PCLO: variants seen among roughly 807,000 people sequenced by gnomAD.
PCLO encodes piccolo presynaptic cytomatrix protein, also known as protein piccolo.
PCLO carries 82 observed loss-of-function variants against 427.5 expected under a neutral mutation model. The ratio of observed to expected loss-of-function variants is 0.19; its 90% CI spans 0.16 to 0.23. The LOEUF is 0.23. Ranked by LOEUF, PCLO falls within the 10% of genes least tolerant of loss-of-function variation. The probability of loss-of-function intolerance (pLI) is 1.00; values close to 1 mark genes in which losing one functional copy is unlikely to be tolerated. For missense variants in PCLO, 6,239 were observed against 6,115.9 expected, an observed-to-expected ratio of 1.02 and a Z score of -0.67; for synonymous variants, 2,357 against 2,155.4, an observed-to-expected ratio of 1.09 and a Z score of -2.59.
chr7:83,049,964 A>G (rs932337522), intron 3 of PCLO, among the ~76,000 whole-genome samples: 4 of 151,608 alleles, frequency 2.6e-5, no homozygotes, highest in African/African-American at 7.3e-5. Context: ...ATTCTCTCCC[A>G]TCTTTCCTCA....
At chr7:82,918,667 T>C (rs1327683895) in intron 6 of PCLO, among the ~76,000 whole-genome samples, 1 of 152,082 alleles carries the variant, frequency 6.6e-6, no homozygotes, top group African/African-American at 2.4e-5. Flanking sequence ...CTACATACTA[T>C]TTGTTTTTTC....
intron 3 of PCLO, among the ~76,000 whole-genome samples, chr7:82,988,088 A>G (rs1796294346): frequency 6.6e-6 from 1 of 152,146 alleles, no homozygotes; most frequent in Admixed American, 6.6e-5. Flanking sequence ...TTTATATAAA[A>G]TTTAGGTTAT....
chr7:82,769,373 T>A (rs923794315), intron 22 of PCLO, among the ~76,000 whole-genome samples: 2 of 152,190 alleles, frequency 1.3e-5, no homozygotes, highest in Non-Finnish European at 2.9e-5. Flanking sequence ...AATGCTTTTT[T>A]TTGAAATATT....
chr7:82,952,632 G>T lies in PCLO; in HGVS notation c.8321C>A (p.Ser2774Tyr). 3 of 1,613,946 alleles carry T rather than the reference G, an allele frequency of 1.9e-6. No homozygotes were observed. Among genetic ancestry groups the T allele is most frequent in the Non-Finnish European group, 2.5e-6 (3 of 1,179,834 alleles). Residue 2774 changes from serine to tyrosine, a missense_variant, in exon 5 of 25, where the codon TCT (serine) becomes TAT (tyrosine). Physicochemically the swap from Ser to Tyr is moderately radical, Grantham distance 144. This residue lies in a region of PCLO where 4,677 missense variants were observed against 4,468.4 expected (regional missense o/e 1.05). Coordinates refer to ENST00000333891, the MANE Select transcript of PCLO (RefSeq NM_033026.6). ...TGATGTCACACTAAGATTTATAATA[G>T]AGGGTTGGACAGCACTAATTTGTTT... ...YGKQISAVQP[S>Y]IINLSVTSSI... is the part of the protein sequence containing the mutation.
chr7:82,760,229 A>C (rs529100393), intron 24 of PCLO, among the ~76,000 whole-genome samples: 1 of 152,098 alleles, frequency 6.6e-6, no homozygotes, highest in African/African-American at 2.4e-5. Context: ...GAGTAATTGA[A>C]GAGCTTTAAT....
chr7:82,759,937 T>C (rs1214159005), intron 24 of PCLO, among the ~76,000 whole-genome samples: 1 of 151,934 alleles, frequency 6.6e-6, no homozygotes, highest in East Asian at 1.9e-4. Context: ...AGCCTACTAA[T>C]AGAAGCAAAA....
At chr7:82,998,627 A>T (rs549353227) in intron 3 of PCLO, among the ~76,000 whole-genome samples, 10 of 152,084 alleles carry the variant, frequency 6.6e-5, no homozygotes, top group African/African-American at 2.4e-4. Flanking sequence ...TTTACAGTCC[A>T]GAGGCACATG....
chr7:83,162,196 T>G, intron 1 of PCLO, 149 bp downstream of exon 1: 1 of 855,160 alleles, frequency 1.2e-6, no homozygotes, highest in Non-Finnish European at 1.7e-6. Context: ...TCACAAGGCT[T>G]AGGATCTCTC....
intron 3 of PCLO, among the ~76,000 whole-genome samples, chr7:83,071,218 T>C (rs1789808469): frequency 6.6e-6 from 1 of 152,154 alleles, no homozygotes; most frequent in Non-Finnish European, 1.5e-5. Flanking sequence ...CCTATTCCTC[T>C]CTTCTCCCAG....
At chr7:83,038,023 A>ATATATATATATATT (rs1562932918) in intron 3 of PCLO, among the ~76,000 whole-genome samples, 1 of 52,808 alleles carries the variant, frequency 1.9e-5, no homozygotes, top group African/African-American at 1.4e-4. Flanking sequence ...ATATATATAT[A>ATATATATATATATT]TATATATTTA....
Position 82,841,469 on chromosome 7 carries a change from C to G in PCLO, c.14087G>C (p.Gly4696Ala). The change falls in exon 14 of 25, where the codon GGA (glycine) becomes GCA (alanine). Residue 4696 changes from glycine (G) to alanine (A), a missense_variant. Around this residue, in one of 5 missense-constraint regions of PCLO, gnomAD observed 877 missense variants for 925.5 expected, o/e 0.95. Coordinates refer to ENST00000333891, the MANE Select transcript of PCLO (RefSeq NM_033026.6). ...GTKVVSHPIT[G>A]EIQLQINYDL... The stretch of plus-strand genomic sequence containing the variant: ...TAAAAAACTTCATACCTGAATTTCT[C>G]CTGTAATTGGATGAGAGACAACCTT... The G allele has an allele frequency of 6.2e-7, 1 of 1,600,852 alleles. No individual in the cohort carries two copies. Among genetic ancestry groups the G allele is most frequent in the Non-Finnish European group, 8.6e-7 (1 of 1,168,852 alleles).
chr7:83,152,023 GGC>G (rs1792144817), intron 2 of PCLO, among the ~76,000 whole-genome samples: 1 of 151,112 alleles, frequency 6.6e-6, no homozygotes, highest in African/African-American at 2.4e-5. Context: ...GGAATGCAGT[GGC>G]GTGATCTTGG....
intron 2 of PCLO, among the ~76,000 whole-genome samples, chr7:83,148,570 T>C (rs1378008650): frequency 6.6e-6 from 1 of 152,144 alleles, no homozygotes; most frequent in Non-Finnish European, 1.5e-5. Flanking sequence ...TAGGTCCTTA[T>C]TTTTTAGACC....
chr7:82,934,026 T>C (rs1172595093), intron 6 of PCLO, among the ~76,000 whole-genome samples: 1 of 151,974 alleles, frequency 6.6e-6, no homozygotes, highest in African/African-American at 2.4e-5. Flanking sequence ...GAGATTTTAT[T>C]TTATAGAAGG....
At chr7:83,023,407 A>G (rs1788394145) in intron 3 of PCLO, among the ~76,000 whole-genome samples, 2 of 152,224 alleles carry the variant, frequency 1.3e-5, no homozygotes, top group Admixed American at 1.3e-4. Context: ...GAATTCAATA[A>G]TGTATTCTAA....
intron 3 of PCLO, among the ~76,000 whole-genome samples, chr7:83,072,129 AAT>A (rs1237702655): frequency 4.1e-4 from 62 of 152,196 alleles, no homozygotes; most frequent in African/African-American, 1.4e-3. Flanking sequence ...AGATTCTTAT[AAT>A]AGTTACATGA....
At chr7:82,805,657 GC>G in intron 21 of PCLO, 30 bp downstream of exon 21, 1 of 1,605,838 alleles carries the variant, frequency 6.2e-7, no homozygotes, top group Non-Finnish European at 8.5e-7. Flanking sequence ...TGCTGAGTAA[GC>G]TTTGTAGTAA....
rs75443649 is a variant in PCLO, at chr7:82,754,502, A to G, written c.*4073T>C. On this transcript the variant is annotated 3_prime_UTR_variant, in exon 25 of 25. Transcript: ENST00000333891. ...CGTCACCAAACAAATATACAGACACAATCAAACAATAATCATATTCACATG... is the reference window on the plus strand; with the variant it reads ...CGTCACCAAACAAATATACAGACACGATCAAACAATAATCATATTCACATG... 3.3e-5 allele frequency: 5 copies of G among 152,132 alleles called. No individual in the cohort carries two copies. Among genetic ancestry groups the G allele is most frequent in the Admixed American group, 6.5e-5 (1 of 15,278 alleles). 9.4% of individuals were successfully genotyped at this position (152,132 alleles called of 1,614,324 possible).
chr7:82,907,091 T>C (rs1374347706), intron 8 of PCLO, among the ~76,000 whole-genome samples: 7 of 151,982 alleles, frequency 4.6e-5, no homozygotes, highest in Non-Finnish European at 1.0e-4. Flanking sequence ...CTTAAAGATA[T>C]GAATATTTCA....
Sources: gnomAD v4.1 joint callset for allele counts (sites outside exome capture counted in the v4.1 genomes callset) on GRCh38, gnomAD v4.1.1 for gene constraint, gnomAD v4.1.1 regional missense constraint, MANE v1.5 for transcripts, NCBI Gene and HGNC (gene_info 2026-07-23, HGNC 2026-07-21) for gene names.